STK35: variants seen among roughly 807,000 people sequenced by gnomAD.
STK35 encodes the protein serine/threonine-protein kinase 35.
STK35 carries 17 observed loss-of-function variants against 37.3 expected under a neutral mutation model. That is an observed-to-expected ratio of 0.46 (90% confidence interval 0.31 to 0.68). The LOEUF (loss-of-function observed/expected upper bound fraction) is 0.68. Among genes scored for constraint, STK35 ranks in the 30% least tolerant of loss-of-function variants. STK35 has a pLI of 0.05. For missense variants in STK35, 595 were observed against 746.7 expected (o/e 0.80, Z 2.37); for synonymous variants, 385 against 319.1 (o/e 1.21, Z -2.20).
Position 2,146,057 on chromosome 20 carries a change from C to T in STK35, c.*2311C>T, listed in dbSNP as rs532956689. The T allele has an allele frequency of 2.6e-5, 4 of 152,326 alleles. No homozygotes were observed. Among genetic ancestry groups the T allele is most frequent in the East Asian group, 1.9e-4 (1 of 5,190 alleles). 9.4% of individuals were successfully genotyped at this position (152,326 alleles called of 1,614,324 possible). ...GACAGGTGGGCAGCCTGGTAGGGGT[C>T]GCCAGCCTCCATGCCCCCTCATCTT... On this transcript the variant is annotated 3_prime_UTR_variant, in exon 4 of 4. Coordinates refer to ENST00000381482, the MANE Select transcript of STK35 (RefSeq NM_080836.4).
chr20:2,105,627 C>A (rs939638351), intron 2 of STK35, among the ~76,000 whole-genome samples: 1 of 152,168 alleles, frequency 6.6e-6, no homozygotes, highest in Non-Finnish European at 1.5e-5. Flanking sequence ...TGGGTATGTA[C>A]CTATGACATT....
chr20:2,103,784 TGACTG>T (rs919840316), intron 2 of STK35, among the ~76,000 whole-genome samples: 30 of 152,164 alleles, frequency 2.0e-4, no homozygotes, highest in African/African-American at 6.3e-4. Flanking sequence ...AGAAAAAACT[TGACTG>T]GACCCACCCA....
intron 2 of STK35, among the ~76,000 whole-genome samples, chr20:2,103,729 C>T (rs1260474659): frequency 6.6e-6 from 1 of 152,072 alleles, no homozygotes; most frequent in Non-Finnish European, 1.5e-5. Flanking sequence ...GCGGAGCCTC[C>T]TCACCCCCGA....
chr20:2,132,179 A>G (rs1986011746), intron 3 of STK35, among the ~76,000 whole-genome samples: 1 of 152,208 alleles, frequency 6.6e-6, no homozygotes, highest in African/African-American at 2.4e-5. Context: ...ATCTCCATCG[A>G]GCTACCAAAG....
intron 3 of STK35, among the ~76,000 whole-genome samples, chr20:2,128,271 T>C (rs1409845073): frequency 6.6e-6 from 1 of 152,202 alleles, no homozygotes; most frequent in Non-Finnish European, 1.5e-5. Flanking sequence ...ATGCAGACCA[T>C]TGCCCTCACC....
intron 3 of STK35, among the ~76,000 whole-genome samples, chr20:2,135,798 C>T (rs1298338434): frequency 3.3e-5 from 5 of 152,118 alleles, no homozygotes; most frequent in African/African-American, 1.2e-4. Flanking sequence ...TGCAGTGAGC[C>T]GAGATTGCAC....
chr20:2,131,936 A>T lies in STK35; in HGVS notation c.*38-11848A>T, dbSNP rs1568580589. Among the ~76,000 whole-genome samples the T allele has an allele frequency of 2.0e-5, 3 of 152,080 alleles. No homozygotes were observed. In the East Asian group the frequency reaches 5.8e-4, roughly 29 times the overall value. ...TACTTTTTTCTATTTTAAAAAAGTA[A>T]TTTTTTTACTTTTTAAATTTTTTTT... is the stretch of plus-strand genomic sequence containing the variant. On this transcript the variant is annotated intron_variant, in intron 3 of 3. Transcript: ENST00000381482.
At chr20:2,106,669 C>T (rs906093015) in intron 2 of STK35, among the ~76,000 whole-genome samples, 3 of 152,106 alleles carry the variant, frequency 2.0e-5, no homozygotes, top group African/African-American at 4.8e-5. Flanking sequence ...AAAGGGAGTC[C>T]GTTTCACTAT....
intron 2 of STK35, among the ~76,000 whole-genome samples, chr20:2,103,879 C>T (rs1012080529): frequency 6.6e-6 from 1 of 152,130 alleles, no homozygotes. Context: ...CCTCGTCTGC[C>T]TTTTCCTCTG....
At chr20:2,123,207 G>A (rs1317339622) in intron 3 of STK35, among the ~76,000 whole-genome samples, 1 of 152,186 alleles carries the variant, frequency 6.6e-6, no homozygotes, top group Non-Finnish European at 1.5e-5. Context: ...GGCAGCTAAG[G>A]CCTGCTGAAG....
chr20:2,135,546 G>A (rs1986072195), intron 3 of STK35, among the ~76,000 whole-genome samples: 1 of 152,168 alleles, frequency 6.6e-6, no homozygotes, highest in Admixed American at 6.5e-5. Flanking sequence ...AAATGGTTGG[G>A]TCTAGAAAGA....
intron 3 of STK35, among the ~76,000 whole-genome samples, chr20:2,126,155 C>A (rs1419215618): frequency 6.6e-6 from 1 of 152,222 alleles, no homozygotes; most frequent in African/African-American, 2.4e-5. Context: ...CATGCTTACT[C>A]CAATTGATGT....
In STK35 at chr20:2,102,834, C is replaced by A. The variant is rs764296294; in HGVS notation, c.361C>A (p.Arg121=). The A allele has an allele frequency of 5.9e-6, 9 of 1,531,648 alleles. No homozygotes were observed. Among genetic ancestry groups the A allele is most frequent in the Non-Finnish European group, 5.2e-6 (6 of 1,146,368 alleles). The allele number at this position is 1,531,648 out of a possible 1,614,324, so 94.9% of individuals were successfully genotyped here. Residue 121 remains arginine (R), a synonymous_variant, in exon 2 of 4, where the codon CGG becomes AGG. Coordinates refer to ENST00000381482, the MANE Select transcript of STK35 (RefSeq NM_080836.4). ...AGRRDEAGGA[R]AAPLLLPPPP... Reference sequence around the variant, plus strand: ...ACGGAGGGATGAGGCAGGGGGGGCCCGGGCAGCGCCGTTGCTGCTCCCCCC... The same window carrying A: ...ACGGAGGGATGAGGCAGGGGGGGCCAGGGCAGCGCCGTTGCTGCTCCCCCC...
At chr20:2,114,028 G>C (rs977477205) in intron 2 of STK35, among the ~76,000 whole-genome samples, 4 of 152,142 alleles carry the variant, frequency 2.6e-5, no homozygotes, top group Non-Finnish European at 5.9e-5. Flanking sequence ...TTCCTGGTCT[G>C]TGTTTTTCCT....
chr20:2,121,671 G>C (rs991940878), intron 3 of STK35, among the ~76,000 whole-genome samples: 1 of 152,184 alleles, frequency 6.6e-6, no homozygotes, highest in Non-Finnish European at 1.5e-5. Context: ...GAGGAGGTCA[G>C]AGGACTGAGC....
chr20:2,122,541 C>T (rs1411020941), intron 3 of STK35, among the ~76,000 whole-genome samples: 2 of 152,162 alleles, frequency 1.3e-5, no homozygotes, highest in African/African-American at 4.8e-5. Flanking sequence ...TGTCTAGTAA[C>T]AATGCAGGGA....
chr20:2,101,972 C>G lies in STK35; in HGVS notation c.91C>G (p.His31Asp), dbSNP rs1432296043. ...ATGTAAAGGGCTCAGCTGGCGCGAA[C>G]ACGTGGAAAGCCACGGGAGCCTAGG... ...RLCKGLSWRE[H>D]VESHGSLGAQ... Residue 31 changes from histidine to aspartate, a missense_variant, in exon 1 of 4, where the codon CAC becomes GAC. This residue lies in a region of STK35 where 389 missense variants were observed against 320.0 expected (regional missense o/e 1.22). Transcript: ENST00000381482. 3.9e-6 allele frequency: 6 copies of G among 1,523,510 alleles called. No individual in the cohort carries two copies. The highest frequency in any genetic ancestry group is 1.4e-5 in the African/African-American group (1 of 72,200). 94.4% of individuals were successfully genotyped at this position (1,523,510 alleles called of 1,614,324 possible). A position where few individuals can be genotyped will look rare whatever the true frequency, so the allele number is the denominator to read the frequency against.
At chr20:2,102,397 GGCGGGGC>G (rs1447345970) in intron 1 of STK35, among the ~76,000 whole-genome samples, 1 of 152,228 alleles carries the variant, frequency 6.6e-6, no homozygotes, top group Non-Finnish European at 1.5e-5. Flanking sequence ...GCGAACACAA[GGCGGGGC>G]GCGGGGAGGA....
chr20:2,117,180 G>A lies in STK35; in HGVS notation c.1407G>A (p.Gln469=), dbSNP rs1985731515. 2 of 1,614,158 alleles carry A rather than the reference G, an allele frequency of 1.2e-6. No homozygotes were observed. The stretch of plus-strand genomic sequence containing the variant: ...AGCTCCTGGGGACCTACATTAAACA[G>A]GGGACTGAGATCGTCCCTGTTGGTG... ...KKELLGTYIK[Q]GTEIVPVGEA... is the part of the protein sequence containing the mutation. The change falls in exon 3 of 4, where the codon CAG becomes CAA. Residue 469 remains glutamine (Q), a synonymous_variant. Coordinates refer to ENST00000381482, the MANE Select transcript of STK35 (RefSeq NM_080836.4). This position sits in a 1 kb window ranked among gnomAD's most constrained non-coding sequence, Gnocchi z 4.4.
Sources: gnomAD v4.1 joint callset for allele counts (sites outside exome capture counted in the v4.1 genomes callset) on GRCh38, gnomAD v4.1.1 for gene constraint, gnomAD v4.1.1 regional missense constraint, Gnocchi (gnomAD v3.1) non-coding constraint, MANE v1.5 for transcripts, NCBI Gene and HGNC (gene_info 2026-07-23, HGNC 2026-07-21) for gene names.